Variants in PGGT1B observed in about 807,000 individuals in gnomAD.
PGGT1B encodes geranylgeranyl transferase type-1 subunit beta.
Under a neutral mutation model 46.1 loss-of-function variants are expected in PGGT1B, and 30 were observed. The ratio of observed to expected loss-of-function variants is 0.65; its 90% CI spans 0.49 to 0.88. PGGT1B has a LOEUF of 0.88. PGGT1B is among the 40% of genes least tolerant of loss of function. The pLI, the probability that PGGT1B is intolerant of heterozygous loss-of-function variation, is 0.00. For missense variants in PGGT1B, 376 were observed against 455.9 expected (o/e 0.82, Z 1.60); for synonymous variants, 170 against 160.0 (o/e 1.06, Z -0.47).
intron 6 of PGGT1B, among the ~76,000 whole-genome samples, chr5:115,222,438 A>T (rs1251317488): frequency 6.6e-6 from 1 of 152,150 alleles, no homozygotes; most frequent in African/African-American, 2.4e-5. Flanking sequence ...TAAGATAAAC[A>T]AGTTAGAAGC....
At chr5:115,248,514 G>C (rs558064904) in intron 2 of PGGT1B, among the ~76,000 whole-genome samples, 1 of 152,276 alleles carries the variant, frequency 6.6e-6, no homozygotes, top group East Asian at 1.9e-4. Flanking sequence ...CTGACCCATT[G>C]TGTTTCCCGA....
chr5:115,226,000 T>C (rs1309465459), intron 6 of PGGT1B, among the ~76,000 whole-genome samples: 1 of 143,860 alleles, frequency 7.0e-6, no homozygotes, highest in East Asian at 2.0e-4. Flanking sequence ...TTTATCTTTA[T>C]AATTAAGAAG....
chr5:115,221,898 G>C lies in PGGT1B; in HGVS notation c.769C>G (p.Gln257Glu), dbSNP rs1431457475. ...RIKRWCIMRQ[Q>E]NGYHGRPNKP... ...TTAGGTCTTCCATGATAACCATTTT[G>C]TTGCCTCATTATACACCACCTCTTT... is the stretch of plus-strand genomic sequence containing the variant. The change falls in exon 7 of 9, where the codon CAA becomes GAA. Residue 257 changes from glutamine (Q) to glutamate (E), a missense_variant. Physicochemically the swap from Gln to Glu is conservative, Grantham distance 29 (BLOSUM62 2). Around this residue, in one of 2 missense-constraint regions of PGGT1B, gnomAD observed 222 missense variants for 313.6 expected, o/e 0.71. Coordinates refer to ENST00000419445, the MANE Select transcript of PGGT1B (RefSeq NM_005023.4). The C allele has an allele frequency of 1.9e-6, 3 of 1,609,974 alleles. No homozygotes were observed. The highest frequency in any genetic ancestry group is 2.5e-6 in the Non-Finnish European group (3 of 1,178,024).
intron 6 of PGGT1B, among the ~76,000 whole-genome samples, chr5:115,223,792 A>G (rs545683187): frequency 2.0e-4 from 31 of 152,354 alleles, no homozygotes; most frequent in African/African-American, 7.5e-4. Flanking sequence ...AAGAAAACAA[A>G]CAACACTTTT....
chr5:115,258,191 G>T (rs1286434014), intron 1 of PGGT1B, among the ~76,000 whole-genome samples: 1 of 152,206 alleles, frequency 6.6e-6, no homozygotes, highest in Non-Finnish European at 1.5e-5. Flanking sequence ...GAGGTTACAT[G>T]TTAAGTGCTA....
At position 115,248,926 on chromosome 5, in the gene PGGT1B, ATTTC is replaced by A. The variant is rs1206180728; in HGVS notation, c.259+4207_259+4210del. Among the ~76,000 whole-genome samples the A allele has an allele frequency of 2.6e-5, 4 of 152,284 alleles. No individual in the cohort carries two copies. The East Asian group carries it at 7.7e-4, about 29-fold the overall frequency. On this transcript the variant is annotated intron_variant, in intron 2 of 8. Coordinates refer to ENST00000419445, the MANE Select transcript of PGGT1B (RefSeq NM_005023.4). ...AAAATAGTAAATAATGTATTGCATT[ATTTC>A]TTCCATTAGCAAAAATATCAGTATT...
chr5:115,262,581 T>A, intron 1 of PGGT1B, 131 bp downstream of exon 1: 1 of 1,039,620 alleles, frequency 9.6e-7, no homozygotes, highest in Non-Finnish European at 1.4e-6. Flanking sequence ...CAAGCCCACT[T>A]GAAACCAGTC....
At chr5:115,246,272 C>G (rs185901241) in intron 2 of PGGT1B, among the ~76,000 whole-genome samples, 172 of 151,706 alleles carry the variant, frequency 1.1e-3, no homozygotes, top group Non-Finnish European at 2.0e-3. Context: ...AGAAGAATTG[C>G]TTGAACCCGG....
At position 115,206,406 on chromosome 5, in the gene PGGT1B, G is replaced by A. The variant is rs1201623444; in HGVS notation, c.*5996C>T. ...AATAAGCTATATATTTTTTAAAATTGTAAATATCTGAATAATTAAGCACCA... is the reference window on the plus strand; with the variant it reads ...AATAAGCTATATATTTTTTAAAATTATAAATATCTGAATAATTAAGCACCA... On this transcript the variant is annotated 3_prime_UTR_variant, in exon 9 of 9. Transcript: ENST00000419445. The A allele has an allele frequency of 6.6e-6, 1 of 151,888 alleles. No individual in the cohort carries two copies. Among genetic ancestry groups the A allele is most frequent in the Non-Finnish European group, 1.5e-5 (1 of 67,864 alleles). The allele number at this position is 151,888 out of a possible 1,614,324, so 9.4% of individuals were successfully genotyped here.
rs1756599271 is a variant in PGGT1B, at chr5:115,221,864, A to G, written c.803T>C (p.Val268Ala). ...NGYHGRPNKP[V>A]DTCYSFWVGA... Reference sequence around the variant, plus strand: ...CACCCAAAAAGAATAACAGGTGTCTACAGGCTTATTAGGTCTTCCATGATA... The same window carrying G: ...CACCCAAAAAGAATAACAGGTGTCTGCAGGCTTATTAGGTCTTCCATGATA... The change falls in exon 7 of 9, where the codon GTA becomes GCA. Residue 268 changes from valine to alanine, a missense_variant. Around this residue, in one of 2 missense-constraint regions of PGGT1B, gnomAD observed 222 missense variants for 313.6 expected, o/e 0.71. Coordinates refer to ENST00000419445, the MANE Select transcript of PGGT1B (RefSeq NM_005023.4). The G allele has an allele frequency of 6.2e-7, 1 of 1,607,036 alleles. No homozygotes were observed. The highest frequency in any genetic ancestry group is 2.2e-5 in the East Asian group (1 of 44,568).
chr5:115,233,186 G>A (rs924039640), intron 5 of PGGT1B, among the ~76,000 whole-genome samples: 3 of 151,804 alleles, frequency 2.0e-5, no homozygotes, highest in Non-Finnish European at 4.4e-5. Context: ...TGAATCAGAA[G>A]AAAACTGTAA....
At chr5:115,214,822 C>T (rs1756363261) in intron 8 of PGGT1B, among the ~76,000 whole-genome samples, 1 of 152,214 alleles carries the variant, frequency 6.6e-6, no homozygotes, top group African/African-American at 2.4e-5. Context: ...TTTGTTAAAA[C>T]AGTACCCTGC....
intron 6 of PGGT1B, among the ~76,000 whole-genome samples, chr5:115,229,162 T>C (rs1344985277): frequency 2.0e-5 from 3 of 152,102 alleles, no homozygotes; most frequent in Non-Finnish European, 4.4e-5. Flanking sequence ...TCTAACCTCA[T>C]AGCACACAAA....
At chr5:115,233,424 A>G (rs555170920) in intron 5 of PGGT1B, among the ~76,000 whole-genome samples, 2 of 151,896 alleles carry the variant, frequency 1.3e-5, no homozygotes, top group Admixed American at 1.3e-4. Flanking sequence ...AGGAGAAAAC[A>G]TCCAAGAGAA....
chr5:115,253,702 G>A (rs1281206822), intron 1 of PGGT1B, among the ~76,000 whole-genome samples: 3 of 151,966 alleles, frequency 2.0e-5, no homozygotes, highest in African/African-American at 7.2e-5. Context: ...TAATTCAAAG[G>A]TGTTCACAAA....
At chr5:115,252,127 G>A (rs1266714724) in intron 2 of PGGT1B, among the ~76,000 whole-genome samples, 5 of 152,056 alleles carry the variant, frequency 3.3e-5, no homozygotes, top group Non-Finnish European at 4.4e-5. Context: ...TGTTAGATCT[G>A]TAACTATTGA....
chr5:115,207,182 T>TATATATATATAC lies in PGGT1B; in HGVS notation c.*5219_*5220insGTATATATATAT, dbSNP rs1440288908. ...TAGTTTAGGTTTGCATATACATACA[T>TATATATATATAC]ATATATATATATATATATATATATA... On this transcript the variant is annotated 3_prime_UTR_variant, in exon 9 of 9. Transcript: ENST00000419445. The TATATATATATAC allele has an allele frequency of 2.8e-5, 3 of 105,708 alleles. No homozygotes were observed. The highest frequency in any genetic ancestry group is 1.1e-4 in the African/African-American group (3 of 26,196). 6.5% of individuals were successfully genotyped at this position (105,708 alleles called of 1,614,324 possible).
Position 115,256,866 on chromosome 5 carries a change from T to C in PGGT1B, c.141-3611A>G, listed in dbSNP as rs148619740. On this transcript the variant is annotated intron_variant, in intron 1 of 8. Coordinates refer to ENST00000419445, the MANE Select transcript of PGGT1B (RefSeq NM_005023.4). ...TCAGCACAGGTGTATAGAGGGGTAA[T>C]TGTGCGAACACACGCACCTAAAATC... 3.1e-4 allele frequency among the ~76,000 whole-genome samples: 47 copies of C among 152,318 alleles called. No homozygotes were observed. The East Asian group carries it at 8.1e-3, about 26-fold the overall frequency.
rs1412228083 is a variant in PGGT1B, at chr5:115,210,605, T to G, written c.*1797A>C. The G allele has an allele frequency of 1.3e-5, 2 of 152,128 alleles. No homozygotes were observed. Among genetic ancestry groups the G allele is most frequent in the African/African-American group, 2.4e-5 (1 of 41,450 alleles). 9.4% of individuals were successfully genotyped at this position (152,128 alleles called of 1,614,324 possible). Reference sequence around the variant, plus strand: ...TGAAATACTTTTAGATTGGAATTTTTCTCTAACATTTATGAATAAAATCAC... The same window carrying G: ...TGAAATACTTTTAGATTGGAATTTTGCTCTAACATTTATGAATAAAATCAC... On this transcript the variant is annotated 3_prime_UTR_variant, in exon 9 of 9. Transcript: ENST00000419445.
Sources: allele counts gnomAD v4.1 joint callset (sites outside exome capture counted in the v4.1 genomes callset), GRCh38; gene constraint gnomAD v4.1.1; regional missense constraint gnomAD v4.1.1; transcripts MANE v1.5; gene names NCBI Gene and HGNC (gene_info 2026-07-23, HGNC 2026-07-21).